MARK2: variants seen among roughly 807,000 people sequenced by gnomAD.
MARK2 encodes the protein serine/threonine-protein kinase MARK2.
MARK2 carries 16 observed loss-of-function variants against 89.8 expected under a neutral mutation model. That is an observed-to-expected ratio of 0.18 (90% CI 0.12 to 0.27). The LOEUF is 0.27. MARK2 is among the 10% of genes least tolerant of loss of function. The probability of loss-of-function intolerance (pLI) is 1.00; values close to 1 mark genes in which losing one functional copy is unlikely to be tolerated. For synonymous variants in MARK2, 382 were observed against 399.5 expected, an observed-to-expected ratio of 0.96 and a Z score of 0.52; for missense variants, 621 against 1,049.9, an observed-to-expected ratio of 0.59 and a Z score of 5.65.
chr11:63,906,475 C>T (rs1047329923), intron 17 of MARK2, among the ~76,000 whole-genome samples: 1 of 150,120 alleles, frequency 6.7e-6, no homozygotes, highest in Non-Finnish European at 1.5e-5. Flanking sequence ...TCCTCTCACC[C>T]ACCCCACCCC....
chr11:63,902,798 C>G lies in MARK2; in HGVS notation c.1416+16C>G. 6.3e-6 allele frequency: 10 copies of G among 1,598,858 alleles called. No individual in the cohort carries two copies. The highest frequency in any genetic ancestry group is 1.7e-5 in the Admixed American group (1 of 59,882). ...CCCCTCCACGGTGAGCCGCACCCCCCGCTCTCTCCTTCCTTCCTGCGGTGG... is the reference window on the plus strand; with the variant it reads ...CCCCTCCACGGTGAGCCGCACCCCCGGCTCTCTCCTTCCTTCCTGCGGTGG... On this transcript the variant is annotated intron_variant, in intron 13 of 18. Coordinates refer to ENST00000402010, the MANE Select transcript of MARK2 (RefSeq NM_001039469.3). This position sits in a 1 kb window ranked among gnomAD's most constrained non-coding sequence, Gnocchi z 4.2.
At chr11:63,864,758 C>G (rs1389371984) in intron 1 of MARK2, among the ~76,000 whole-genome samples, 1 of 151,400 alleles carries the variant, frequency 6.6e-6, no homozygotes. Flanking sequence ...CAGCTGTATT[C>G]TCAGCACTTT....
intron 1 of MARK2, among the ~76,000 whole-genome samples, chr11:63,884,444 G>A (rs1239727322): frequency 3.3e-5 from 5 of 152,244 alleles, no homozygotes; most frequent in Non-Finnish European, 7.3e-5. Flanking sequence ...CCGCCTCATG[G>A]CCCAGGCTGC....
chr11:63,907,924 G>GC (rs1425327842), intron 17 of MARK2, among the ~76,000 whole-genome samples: 1 of 152,254 alleles, frequency 6.6e-6, no homozygotes, highest in Non-Finnish European at 1.5e-5. Flanking sequence ...GCAGCCTCGT[G>GC]CCGGGCCGTG....
chr11:63,908,981 C>G lies in MARK2; in HGVS notation c.2111C>G (p.Ser704Cys). ...ACGTGGAGTATGAAGACCACGAGCTCCATGGAGCCCAACGAGATGATGCGG... is the reference window on the plus strand; with the variant it reads ...ACGTGGAGTATGAAGACCACGAGCTGCATGGAGCCCAACGAGATGATGCGG... ...RFTWSMKTTS[S>C]MEPNEMMREI... The change falls in exon 19 of 19, where the codon TCC becomes TGC. Residue 704 changes from serine (S) to cysteine (C), a missense_variant. Around this residue, in one of 5 missense-constraint regions of MARK2, gnomAD observed 49 missense variants for 46.7 expected, o/e 1.05. Transcript: ENST00000402010. 1 of 1,574,100 alleles carries G rather than the reference C, an allele frequency of 6.4e-7. No individual in the cohort carries two copies. Among genetic ancestry groups the G allele is most frequent in the Non-Finnish European group, 8.7e-7 (1 of 1,150,426 alleles).
intron 1 of MARK2, chr11:63,868,787 A>T (rs2135258786): frequency 2.2e-6 from 1 of 455,996 alleles, no homozygotes; most frequent in South Asian, 1.5e-5. Flanking sequence ...TGTTGGGAAT[A>T]TTGTCCAGCG....
chr11:63,890,351 C>A, intron 1 of MARK2: 1 of 1,111,674 alleles, frequency 9.0e-7, no homozygotes, highest in East Asian at 5.2e-5. Context: ...GGTTCAGTCC[C>A]GAAAAGGGGG....
At chr11:63,856,328 T>TG (rs1330741070) in intron 1 of MARK2, among the ~76,000 whole-genome samples, 14 of 149,654 alleles carry the variant, frequency 9.4e-5, no homozygotes, top group African/African-American at 2.7e-4. Context: ...TTTGTTTTTT[T>TG]TTTTTTTTTA....
At chr11:63,894,673 G>A (rs937073712) in intron 1 of MARK2, among the ~76,000 whole-genome samples, 6 of 152,178 alleles carry the variant, frequency 3.9e-5, no homozygotes, top group African/African-American at 1.2e-4. Context: ...TCCAGCCTGG[G>A]CAACAAGAGT....
At chr11:63,875,421 AT>A (rs1365469558) in intron 1 of MARK2, among the ~76,000 whole-genome samples, 1 of 151,308 alleles carries the variant, frequency 6.6e-6, no homozygotes, top group Non-Finnish European at 1.5e-5. Context: ...CGCCCAGCTA[AT>A]TTTTCTTTGT....
chr11:63,886,476 G>C (rs1162242302), intron 1 of MARK2, among the ~76,000 whole-genome samples: 1 of 151,960 alleles, frequency 6.6e-6, no homozygotes, highest in Non-Finnish European at 1.5e-5. Flanking sequence ...CCAGGCTGGA[G>C]TGCAGTGGTG....
intron 1 of MARK2, among the ~76,000 whole-genome samples, chr11:63,881,296 ACT>A (rs1387513022): frequency 2.6e-5 from 4 of 151,652 alleles, no homozygotes; most frequent in Admixed American, 1.3e-4. Flanking sequence ...CCAGAGAGAA[ACT>A]CTGTCTCAAA....
At chr11:63,889,955 A>G (rs916581565) in intron 1 of MARK2, among the ~76,000 whole-genome samples, 3 of 152,308 alleles carry the variant, frequency 2.0e-5, no homozygotes, top group East Asian at 3.9e-4. Flanking sequence ...GGCTTTTGCC[A>G]GGTCCTATTG....
chr11:63,895,509 A>AGATTCCTTTATATTTATAGATT, intron 2 of MARK2, 71 bp from the exon 3 acceptor site: 1 of 1,474,126 alleles, frequency 6.8e-7, no homozygotes, highest in South Asian at 1.1e-5. Flanking sequence ...AATATAAAGG[A>AGATTCCTTTATATTTATAGATT]GGAAGTAGAT....
At chr11:63,865,921 C>T (rs1272367040) in intron 1 of MARK2, among the ~76,000 whole-genome samples, 2 of 152,120 alleles carry the variant, frequency 1.3e-5, no homozygotes, top group Non-Finnish European at 2.9e-5. Context: ...GTAAGAAGTA[C>T]TAAGTTGGCT....
intron 11 of MARK2, 103 bp downstream of exon 11, chr11:63,901,172 G>A: frequency 1.3e-6 from 1 of 761,680 alleles, no homozygotes; most frequent in Admixed American, 2.0e-5. Flanking sequence ...CTGAGTAGGT[G>A]TGCTCTCTGC....
rs1940963248 is a variant in MARK2, at chr11:63,902,301, A to G, written c.1205A>G (p.Asn402Ser). 2 of 1,614,084 alleles carry G rather than the reference A, an allele frequency of 1.2e-6. No individual in the cohort carries two copies. Among genetic ancestry groups the G allele is most frequent in the Non-Finnish European group, 1.7e-6 (2 of 1,179,994 alleles). Reference sequence around the variant, plus strand: ...AAGGTACAGCGCAGCGTGTCGGCCAATCCCAAGCAGCGGCGCTTCAGCGAC... The same window carrying G: ...AAGGTACAGCGCAGCGTGTCGGCCAGTCCCAAGCAGCGGCGCTTCAGCGAC... The part of the protein sequence containing the change: ...SHKVQRSVSA[N>S]PKQRRFSDQA... The change falls in exon 12 of 19, where the codon AAT (asparagine) becomes AGT (serine). Residue 402 changes from asparagine (N) to serine (S), a missense_variant. Physicochemically the swap from Asn to Ser is conservative, Grantham distance 46. Around this residue, in one of 5 missense-constraint regions of MARK2, gnomAD observed 397 missense variants for 567.8 expected, o/e 0.70. Transcript: ENST00000402010. This position sits in a 1 kb window ranked among gnomAD's most constrained non-coding sequence, Gnocchi z 4.2.
At chr11:63,905,951 C>CG (rs1181414084) in intron 16 of MARK2, 137 bp from the exon 17 acceptor site, 1 of 588,250 alleles carries the variant, frequency 1.7e-6, no homozygotes, top group Non-Finnish European at 2.6e-6. Flanking sequence ...TCTAGTCTCG[C>CG]TGAGCGGCTC....
Position 63,904,664 on chromosome 11 carries a change from C to T in MARK2, c.1677-122C>T, listed in dbSNP as rs532508743. Reference sequence around the variant, plus strand: ...AGTCACACCCTTCCTTCTGTGTCCTCGTGATGGCTGCCTCTGCCCTAGCAT... The same window carrying T: ...AGTCACACCCTTCCTTCTGTGTCCTTGTGATGGCTGCCTCTGCCCTAGCAT... On this transcript the variant is annotated intron_variant, in intron 15 of 18. Transcript: ENST00000402010. This position sits in a 1 kb window ranked among gnomAD's most constrained non-coding sequence, Gnocchi z 6.3. 10 of 790,230 alleles carry T rather than the reference C, an allele frequency of 1.3e-5. No homozygotes were observed. Among genetic ancestry groups the T allele is most frequent in the African/African-American group, 8.4e-5 (5 of 59,252 alleles). 49.0% of individuals were successfully genotyped at this position (790,230 alleles called of 1,614,324 possible).
Sources: gnomAD v4.1 joint callset for allele counts (sites outside exome capture counted in the v4.1 genomes callset) on GRCh38, gnomAD v4.1.1 for gene constraint, gnomAD v4.1.1 regional missense constraint, Gnocchi (gnomAD v3.1) non-coding constraint, MANE v1.5 for transcripts, NCBI Gene and HGNC (gene_info 2026-07-23, HGNC 2026-07-21) for gene names.